Variants in PLCZ1 observed in about 807,000 individuals in gnomAD.
PLCZ1 encodes the protein 1-phosphatidylinositol 4,5-bisphosphate phosphodiesterase zeta-1.
In PLCZ1, 64 loss-of-function variants were observed where a neutral mutation model predicts 76.8. The ratio of observed to expected loss-of-function variants is 0.83; its 90% CI spans 0.68 to 1.03. PLCZ1 has a LOEUF of 1.03. Among genes scored for constraint, PLCZ1 ranks in the 50% least tolerant of loss-of-function variants. PLCZ1 has a pLI of 0.00. For synonymous variants in PLCZ1, 248 were observed against 230.8 expected, an observed-to-expected ratio of 1.07 and a Z score of -0.68; for missense variants, 751 against 713.7, an observed-to-expected ratio of 1.05 and a Z score of -0.60.
chr12:18,646,732 C>G, the PLCZ1 span, among the ~76,000 whole-genome samples: 1 of 152,082 alleles, frequency 6.6e-6, no homozygotes, highest in Admixed American at 6.6e-5. Flanking sequence ...TAAATGTGTT[C>G]TAAGACATTT....
At chr12:18,670,004 A>G in the PLCZ1 span, among the ~76,000 whole-genome samples, 2 of 152,138 alleles carry the variant, frequency 1.3e-5, no homozygotes, top group African/African-American at 4.8e-5. Context: ...ATCCTATCAT[A>G]GTGGCTCAGC....
At chr12:18,737,553 G>A (rs549280132) in intron 1 of PLCZ1, 44 bp from the exon 2 acceptor site, 28 of 777,182 alleles carry the variant, frequency 3.6e-5, no homozygotes, top group Admixed American at 3.4e-4. Flanking sequence ...TTTTGCCTTC[G>A]TTCTTTGAAG....
At position 18,705,107 on chromosome 12, in the gene PLCZ1, C is replaced by T. The variant is rs1956439264; in HGVS notation, c.864+59G>A. On this transcript the variant is annotated intron_variant, in intron 7 of 14. Transcript: ENST00000266505. Reference sequence around the variant, plus strand: ...AGCCCAGTTTCACAGGCCAATATAACAGTGACATGTTTTCATGGACTTTTT... The same window carrying T: ...AGCCCAGTTTCACAGGCCAATATAATAGTGACATGTTTTCATGGACTTTTT... 4 of 1,584,056 alleles carry T rather than the reference C, an allele frequency of 2.5e-6. No individual in the cohort carries two copies. The East Asian group carries it at 6.7e-5, about 27-fold the overall frequency.
At chr12:18,682,038 AAC>A (rs1340099341), downstream of PLCZ1, among the ~76,000 whole-genome samples, 1 of 152,014 alleles carries the variant, frequency 6.6e-6, no homozygotes, top group Non-Finnish European at 1.5e-5. Flanking sequence ...TATCTGGCAA[AAC>A]AGAGGCATCT....
intron 12 of PLCZ1, chr12:18,693,563 G>A (rs1291210598): frequency 4.4e-6 from 7 of 1,602,822 alleles, no homozygotes; most frequent in Non-Finnish European, 6.0e-6. Flanking sequence ...CCTAGGTGAT[G>A]GGCCCAAACT....
intron 3 of PLCZ1, among the ~76,000 whole-genome samples, chr12:18,725,658 T>C (rs1015472263): frequency 3.9e-5 from 6 of 152,264 alleles, no homozygotes; most frequent in African/African-American, 1.2e-4. Flanking sequence ...TAAAATGTCA[T>C]GGATGATTTC....
chr12:18,648,094 A>G, the PLCZ1 span: 4 of 990,242 alleles, frequency 4.0e-6, no homozygotes, highest in Non-Finnish European at 5.7e-6. Flanking sequence ...GGGCCTCTGA[A>G]TCACATAAGT....
intron 6 of PLCZ1, among the ~76,000 whole-genome samples, 177 bp downstream of exon 6, chr12:18,712,665 C>T (rs971367632): frequency 6.6e-6 from 1 of 152,122 alleles, no homozygotes; most frequent in Non-Finnish European, 1.5e-5. Context: ...CTGAAACTAA[C>T]TTTGATAAAT....
At chr12:18,703,886 AGGGC>A (rs1956255218) in intron 7 of PLCZ1, among the ~76,000 whole-genome samples, 1 of 152,182 alleles carries the variant, frequency 6.6e-6, no homozygotes, top group South Asian at 2.1e-4. Flanking sequence ...GAAAATACAG[AGGGC>A]AATACCCAAA....
At chr12:18,676,811 G>T in the PLCZ1 span, among the ~76,000 whole-genome samples, 2 of 152,084 alleles carry the variant, frequency 1.3e-5, no homozygotes, top group Non-Finnish European at 2.9e-5. Context: ...GAAAGATTAT[G>T]CTAGGAAGAG....
At chr12:18,736,543 G>T in intron 2 of PLCZ1, 199 bp from the exon 3 acceptor site, 1 of 1,210,858 alleles carries the variant, frequency 8.3e-7, no homozygotes, top group Non-Finnish European at 1.1e-6. Context: ...GTATGAAAGG[G>T]CATAGCACAG....
rs558226681 is a variant in PLCZ1 at position 18,710,725 on chromosome 12, A to G, written c.714+2117T>C. Reference sequence around the variant, plus strand: ...GATAGTTAAATTCAGGATACATTTTAAAAGTAAAGCCACTGCTCAAAAGAA... The same window carrying G: ...GATAGTTAAATTCAGGATACATTTTGAAAGTAAAGCCACTGCTCAAAAGAA... On this transcript the variant is annotated intron_variant, in intron 6 of 14. Transcript: ENST00000266505. Among the ~76,000 whole-genome samples, 32 of 152,320 alleles carry G rather than the reference A, an allele frequency of 2.1e-4. No homozygotes were observed. The East Asian group carries it at 6.2e-3, about 29-fold the overall frequency.
chr12:18,649,507 A>T, the PLCZ1 span, among the ~76,000 whole-genome samples: 1 of 152,254 alleles, frequency 6.6e-6, no homozygotes, highest in African/African-American at 2.4e-5. Flanking sequence ...TCAAAAAATT[A>T]AAACTTTCTC....
intron 12 of PLCZ1, chr12:18,694,097 T>G: frequency 9.2e-7 from 1 of 1,084,650 alleles, no homozygotes; most frequent in Non-Finnish European, 1.4e-6. Flanking sequence ...GCTGTATCTC[T>G]AGTGAACTAC....
At chr12:18,715,502 C>T (rs1479115012) in intron 5 of PLCZ1, among the ~76,000 whole-genome samples, 1 of 151,600 alleles carries the variant, frequency 6.6e-6, no homozygotes, top group Non-Finnish European at 1.5e-5. Flanking sequence ...CCCGGGTTCA[C>T]GCCATTCTCC....
chr12:18,657,357 A>G, the PLCZ1 span, among the ~76,000 whole-genome samples: 1 of 152,138 alleles, frequency 6.6e-6, no homozygotes, highest in African/African-American at 2.4e-5. Context: ...GATCATATTC[A>G]GAAAATACCT....
At position 18,701,487 on chromosome 12, in the gene PLCZ1, A is replaced by G. The variant is rs1955910672; in HGVS notation, c.1017+14T>C. On this transcript the variant is annotated intron_variant, in intron 9 of 14. Transcript: ENST00000266505. Reference sequence around the variant, plus strand: ...TCCAATCACTTGTAAGATTTTCACAAAACACCACCTCACCTTCTTTTTCTT... The same window carrying G: ...TCCAATCACTTGTAAGATTTTCACAGAACACCACCTCACCTTCTTTTTCTT... The G allele has an allele frequency of 6.2e-7, 1 of 1,613,968 alleles. No individual in the cohort carries two copies. Among genetic ancestry groups the G allele is most frequent in the South Asian group, 1.1e-5 (1 of 91,084 alleles).
At chr12:18,664,976 G>T in the PLCZ1 span, among the ~76,000 whole-genome samples, 1 of 128,806 alleles carries the variant, frequency 7.8e-6, no homozygotes, top group African/African-American at 3.0e-5. Flanking sequence ...ATGGACACAG[G>T]AAGGGGAACA....
the PLCZ1 span, among the ~76,000 whole-genome samples, chr12:18,651,033 G>T: frequency 6.6e-6 from 1 of 151,758 alleles, no homozygotes; most frequent in Non-Finnish European, 1.5e-5. Context: ...CAGAGTAAAA[G>T]CCCAAGCCTT....
Sources: allele counts gnomAD v4.1 joint callset (sites outside exome capture counted in the v4.1 genomes callset), GRCh38; gene constraint gnomAD v4.1.1; transcripts MANE v1.5; gene names NCBI Gene and HGNC (gene_info 2026-07-23, HGNC 2026-07-21).